LRP4: variants seen among roughly 807,000 people sequenced by gnomAD.
LRP4 encodes the protein low-density lipoprotein receptor-related protein 4.
Under a neutral mutation model 220.3 loss-of-function variants are expected in LRP4, and 95 were observed. That is an observed-to-expected ratio of 0.43 (90% confidence interval 0.37 to 0.51). The LOEUF (loss-of-function observed/expected upper bound fraction) is 0.51, where lower values mean the gene tolerates loss of function less well. Among genes scored for constraint, LRP4 ranks in the 20% least tolerant of loss-of-function variants. LRP4 has a pLI of 0.00. For synonymous variants in LRP4, 903 were observed against 954.6 expected (o/e 0.95, Z 1.00); for missense variants, 1,925 against 2,567.0 (o/e 0.75, Z 5.40).
intron 18 of LRP4, 73 bp from the exon 19 acceptor site, chr11:46,884,049 G>A (rs558515201): frequency 9.2e-5 from 111 of 1,203,700 alleles, no homozygotes; most frequent in Admixed American, 6.8e-4. Flanking sequence ...GCCAACACAA[G>A]AGCCTGGTAT....
intron 33 of LRP4, 84 bp from the exon 34 acceptor site, chr11:46,868,198 C>T: frequency 6.4e-7 from 1 of 1,563,502 alleles, no homozygotes; most frequent in Non-Finnish European, 8.8e-7. Context: ...GAGAACTTGA[C>T]AAAACAATCT....
rs183191270 is a variant in LRP4 at position 46,887,410 on chromosome 11, A to G, written c.2216-877T>C. Among the ~76,000 whole-genome samples, 8 of 152,312 alleles carry G rather than the reference A, an allele frequency of 5.3e-5. No individual in the cohort carries two copies. The East Asian group carries it at 1.4e-3, about 26-fold the overall frequency. ...AGCGCTGGACACAAAAGAATGCAAGAGGAAAGGGCCAGGCATGGTGGCTCA... is the reference window on the plus strand; with the variant it reads ...AGCGCTGGACACAAAAGAATGCAAGGGGAAAGGGCCAGGCATGGTGGCTCA... On this transcript the variant is annotated intron_variant, in intron 16 of 37. Coordinates refer to ENST00000378623, the MANE Select transcript of LRP4 (RefSeq NM_002334.4).
At chr11:46,883,520 T>C (rs1385567925) in intron 19 of LRP4, among the ~76,000 whole-genome samples, 1 of 152,236 alleles carries the variant, frequency 6.6e-6, no homozygotes, top group Non-Finnish European at 1.5e-5. Context: ...CCATAAGGGA[T>C]ACTTTTAGTT....
At chr11:46,872,965 C>G in intron 30 of LRP4, 135 bp downstream of exon 30, 1 of 1,265,028 alleles carries the variant, frequency 7.9e-7, no homozygotes, top group East Asian at 2.3e-5. Context: ...AATATATTCC[C>G]TTATCCTTCT....
intron 1 of LRP4, among the ~76,000 whole-genome samples, chr11:46,904,697 G>A (rs560548412): frequency 5.9e-5 from 9 of 152,176 alleles, no homozygotes; most frequent in East Asian, 3.9e-4. Flanking sequence ...GGCTGGGCAC[G>A]GTGGCTCATG....
chr11:46,871,783 C>A, intron 30 of LRP4, 150 bp from the exon 31 acceptor site: 2 of 697,064 alleles, frequency 2.9e-6, no homozygotes, highest in Non-Finnish European at 5.2e-6. Flanking sequence ...ATTGTGAGTC[C>A]CAAAGCTGAA....
chr11:46,869,977 G>A (rs530012902), intron 31 of LRP4, among the ~76,000 whole-genome samples: 3 of 152,092 alleles, frequency 2.0e-5, no homozygotes, highest in South Asian at 4.2e-4. Context: ...ATGGTGGCAC[G>A]CACCTGTAAT....
At chr11:46,903,042 A>T in intron 1 of LRP4, 113 bp from the exon 2 acceptor site, 2 of 1,281,978 alleles carry the variant, frequency 1.6e-6, no homozygotes, top group Non-Finnish European at 2.2e-6. Context: ...GGAGAGTCAC[A>T]GTGACACTTC....
chr11:46,901,893 C>T (rs537108602), intron 2 of LRP4, among the ~76,000 whole-genome samples: 5 of 152,018 alleles, frequency 3.3e-5, no homozygotes, highest in African/African-American at 9.6e-5. Flanking sequence ...CCACCACGCC[C>T]GGCTAATTTT....
chr11:46,897,076 T>A, intron 7 of LRP4, 82 bp from the exon 8 acceptor site: 1 of 1,571,216 alleles, frequency 6.4e-7, no homozygotes. Context: ...GCAGCTTATA[T>A]CAGTACCCAT....
intron 1 of LRP4, among the ~76,000 whole-genome samples, chr11:46,910,957 C>T (rs962953613): frequency 3.3e-5 from 5 of 151,976 alleles, no homozygotes; most frequent in East Asian, 3.9e-4. Flanking sequence ...ATTACAGGCA[C>T]GAGCCACCAC....
chr11:46,875,833 G>A lies in LRP4; in HGVS notation c.3670C>T (p.Gln1224Ter). The part of the protein sequence containing the change: ...NGLTVDKASS[Q>*]LLWADAHTER... ...GTGTGGGCATCGGCCCATAGCAGTT[G>A]GGAGCTGGCCTTGTCCACAGTCAGT... Residue 1224 changes from glutamine (Q) to a stop codon, truncating the protein, a stop_gained, in exon 26 of 38, where the codon CAA becomes TAA. Transcript: ENST00000378623. LOFTEE classifies it high-confidence loss of function. This position sits in a 1 kb window ranked among gnomAD's most constrained non-coding sequence, Gnocchi z 4.5. The A allele has an allele frequency of 1.2e-6, 2 of 1,614,118 alleles. No individual in the cohort carries two copies. Among genetic ancestry groups the A allele is most frequent in the Non-Finnish European group, 8.5e-7 (1 of 1,180,022 alleles).
At chr11:46,895,412 T>A in intron 10 of LRP4, 121 bp from the exon 11 acceptor site, 1 of 1,410,892 alleles carries the variant, frequency 7.1e-7, no homozygotes, top group South Asian at 1.2e-5. Context: ...GTGGGAAGGC[T>A]GTCTAAGAAA....
Position 46,857,466 on chromosome 11 carries a change from G to C in LRP4, c.*1517C>G, listed in dbSNP as rs1173957142. The C allele has an allele frequency of 6.6e-6, 1 of 152,154 alleles. No individual in the cohort carries two copies. Among genetic ancestry groups the C allele is most frequent in the Non-Finnish European group, 1.5e-5 (1 of 68,054 alleles). The allele number at this position is 152,154 out of a possible 1,614,324, so 9.4% of individuals were successfully genotyped here. ...TTCTCTCCTGCCACTTCTAATTCCT[G>C]GGGGAGAAGAGGTCTGGGTCTGCCA... On this transcript the variant is annotated 3_prime_UTR_variant, in exon 38 of 38. Transcript: ENST00000378623.
At chr11:46,883,817 G>T in intron 19 of LRP4, 54 bp downstream of exon 19, 2 of 1,337,678 alleles carry the variant, frequency 1.5e-6, no homozygotes, top group Non-Finnish European at 2.2e-6. Context: ...CCTCTCTGGA[G>T]CTCAGATCTT....
At chr11:46,867,331 G>GC (rs2134772932) in intron 34 of LRP4, among the ~76,000 whole-genome samples, 1 of 152,266 alleles carries the variant, frequency 6.6e-6, no homozygotes, top group South Asian at 2.1e-4. Context: ...GACTACTGTT[G>GC]GACAAGCCAA....
rs529396547 is a variant in LRP4, at chr11:46,894,934, G to A, written c.1310-115C>T. On this transcript the variant is annotated intron_variant, in intron 11 of 37. Coordinates refer to ENST00000378623, the MANE Select transcript of LRP4 (RefSeq NM_002334.4). ...ACTTGCTCACAAGGACATGCCCCAAGCTGTCAGCATCAGTACCAGAAGAGT... is the reference window on the plus strand; with the variant it reads ...ACTTGCTCACAAGGACATGCCCCAAACTGTCAGCATCAGTACCAGAAGAGT... The A allele has an allele frequency of 3.5e-4, 364 of 1,054,606 alleles. 1 individual carries two copies. The highest frequency in any genetic ancestry group is 7.7e-5 in the Non-Finnish European group (53 of 692,208). The allele number at this position is 1,054,606 out of a possible 1,614,324, so 65.3% of individuals were successfully genotyped here.
chr11:46,881,922 A>C lies in LRP4; in HGVS notation c.2613-19T>G, dbSNP rs1941171828. On this transcript the variant is annotated intron_variant, in intron 19 of 37. Transcript: ENST00000378623. The stretch of plus-strand genomic sequence containing the variant: ...CATGTACCTGGGCAAAGGCAAGGCA[A>C]GGCAGGTCTTACAAGCTAGTTAATA... 6.2e-7 allele frequency: 1 copy of C among 1,613,662 alleles called. No individual in the cohort carries two copies. The highest frequency in any genetic ancestry group is 1.7e-5 in the Admixed American group (1 of 60,000).
chr11:46,868,913 G>A (rs538126069), intron 32 of LRP4, 75 bp downstream of exon 32: 272 of 1,591,452 alleles, frequency 1.7e-4, no homozygotes, highest in Admixed American at 3.7e-4. Context: ...AACTGTCTTG[G>A]TCCCTAACAG....
Sources: gnomAD v4.1 joint callset for allele counts (sites outside exome capture counted in the v4.1 genomes callset) on GRCh38, gnomAD v4.1.1 for gene constraint, Gnocchi (gnomAD v3.1) non-coding constraint, MANE v1.5 for transcripts, NCBI Gene and HGNC (gene_info 2026-07-23, HGNC 2026-07-21) for gene names.